HELLS: variants seen among roughly 807,000 people sequenced by gnomAD.
HELLS encodes helicase, lymphoid specific.
Under a neutral mutation model 120.0 loss-of-function variants are expected in HELLS, and 32 were observed. That is an observed-to-expected ratio of 0.27 (90% CI 0.20 to 0.36). The LOEUF (loss-of-function observed/expected upper bound fraction) is 0.36, where lower values mean the gene tolerates loss of function less well. Ranked by LOEUF, HELLS falls within the 10% of genes least tolerant of loss-of-function variation. The pLI is 1.00. For missense variants in HELLS, 650 were observed against 993.4 expected, an observed-to-expected ratio of 0.65 and a Z score of 4.65; for synonymous variants, 341 against 323.4, an observed-to-expected ratio of 1.05 and a Z score of -0.58.
At chr10:94,587,950 A>G (rs1197135118) in intron 12 of HELLS, among the ~76,000 whole-genome samples, 1 of 152,182 alleles carries the variant, frequency 6.6e-6, no homozygotes, top group Non-Finnish European at 1.5e-5. Context: ...CTTCAACCCT[A>G]AGAAATACAA....
At position 94,601,711 on chromosome 10, in the gene HELLS, C is replaced by T; in HGVS notation, c.*89C>T. ...TTTGAAATACTGATTGTCCACTTCA[C>T]CTTTTTTATTATATCAGTTGACATG... On this transcript the variant is annotated 3_prime_UTR_variant, in exon 22 of 22. Transcript: ENST00000348459. 1.5e-6 allele frequency: 1 copy of T among 654,332 alleles called. No individual in the cohort carries two copies. The highest frequency in any genetic ancestry group is 2.7e-6 in the Non-Finnish European group (1 of 376,644). The allele number at this position is 654,332 out of a possible 1,614,324, so 40.5% of individuals were successfully genotyped here. A position where few individuals can be genotyped will look rare whatever the true frequency, so the allele number is the denominator to read the frequency against.
intron 7 of HELLS, among the ~76,000 whole-genome samples, chr10:94,573,507 C>G (rs1844281896): frequency 6.6e-6 from 1 of 151,318 alleles, no homozygotes; most frequent in African/African-American, 2.4e-5. Flanking sequence ...CTTCTGTCAC[C>G]CAGGCTGGAG....
At chr10:94,608,265 G>A (rs960235754) in intron 9 of HELLS, among the ~76,000 whole-genome samples, 4 of 152,178 alleles carry the variant, frequency 2.6e-5, no homozygotes, top group Non-Finnish European at 4.4e-5. Flanking sequence ...GTATGAACTT[G>A]TTAATAATTT....
intron 4 of HELLS, among the ~76,000 whole-genome samples, chr10:94,559,293 G>A (rs944340213): frequency 5.3e-5 from 8 of 151,982 alleles, no homozygotes; most frequent in African/African-American, 1.9e-4. Flanking sequence ...TGTTAAAATG[G>A]CCCCCAACTA....
At chr10:94,567,905 G>A (rs928870528) in intron 6 of HELLS, among the ~76,000 whole-genome samples, 11 of 130,632 alleles carry the variant, frequency 8.4e-5, no homozygotes, top group Non-Finnish European at 1.4e-4. Flanking sequence ...TGAAACCCTG[G>A]TTTTTTTTTT....
intron 6 of HELLS, chr10:94,569,247 A>G (rs1413130006): frequency 6.6e-6 from 1 of 150,608 alleles, no homozygotes; most frequent in Non-Finnish European, 1.5e-5. Flanking sequence ...CAGTGGCATG[A>G]TCTCGGCTCA....
At chr10:94,548,145 T>G (rs1472385101) in intron 2 of HELLS, among the ~76,000 whole-genome samples, 1 of 152,242 alleles carries the variant, frequency 6.6e-6, no homozygotes, top group Non-Finnish European at 1.5e-5. Context: ...CTTGCTGTTT[T>G]GTTTTTGTAG....
chr10:94,549,318 A>G (rs559233358), intron 2 of HELLS, among the ~76,000 whole-genome samples: 2 of 152,324 alleles, frequency 1.3e-5, no homozygotes, highest in South Asian at 4.1e-4. Flanking sequence ...TTAACAGAGG[A>G]AGAGCTAGCT....
At chr10:94,591,729 G>C (rs1449973545) in intron 15 of HELLS, among the ~76,000 whole-genome samples, 1 of 152,326 alleles carries the variant, frequency 6.6e-6, no homozygotes, top group East Asian at 1.9e-4. Context: ...ATTAGAGTAA[G>C]AAGGAAGACA....
intron 7 of HELLS, 50 bp from the exon 8 acceptor site, chr10:94,573,910 T>G (rs1844307736): frequency 9.8e-7 from 1 of 1,015,348 alleles, no homozygotes; most frequent in African/African-American, 1.6e-5. Context: ...AATGGTGGCA[T>G]ACAGCAGCAT....
At chr10:94,570,992 T>G (rs1844122113) in intron 6 of HELLS, 1 of 173,424 alleles carries the variant, frequency 5.8e-6, no homozygotes, top group Non-Finnish European at 1.2e-5. Flanking sequence ...TTGTTCCAAT[T>G]TATCCCATTT....
chr10:94,589,677 C>A (rs558513210), intron 13 of HELLS, among the ~76,000 whole-genome samples: 3 of 144,168 alleles, frequency 2.1e-5, no homozygotes, highest in Non-Finnish European at 4.5e-5. Context: ...CTTCTCCCCC[C>A]GACTTTTTTT....
intron 12 of HELLS, among the ~76,000 whole-genome samples, chr10:94,583,352 C>T (rs1327937329): frequency 6.6e-6 from 1 of 152,126 alleles, no homozygotes. Context: ...GGAATGCTTG[C>T]CAATAATACT....
intron 2 of HELLS, among the ~76,000 whole-genome samples, chr10:94,548,350 G>T (rs1315468618): frequency 2.6e-5 from 4 of 152,114 alleles, no homozygotes; most frequent in Admixed American, 6.6e-5. Flanking sequence ...AGTCTAAGAG[G>T]GATGTGATAA....
chr10:94,575,929 C>T (rs1844454279), intron 9 of HELLS, among the ~76,000 whole-genome samples: 1 of 151,966 alleles, frequency 6.6e-6, no homozygotes, highest in Non-Finnish European at 1.5e-5. Context: ...TCCCAGGTAG[C>T]TGGGATTACG....
At chr10:94,586,553 T>C (rs545178880) in intron 12 of HELLS, among the ~76,000 whole-genome samples, 4 of 152,358 alleles carry the variant, frequency 2.6e-5, no homozygotes, top group Non-Finnish European at 5.9e-5. Flanking sequence ...TGTCTATGAT[T>C]AGCTCTATAC....
chr10:94,606,530 T>A (rs1846131396), downstream of HELLS, among the ~76,000 whole-genome samples: 1 of 152,024 alleles, frequency 6.6e-6, no homozygotes, highest in Non-Finnish European at 1.5e-5. Flanking sequence ...AAAAAAAATT[T>A]CTTGAGACAG....
intron 2 of HELLS, among the ~76,000 whole-genome samples, chr10:94,549,089 G>A (rs991536225): frequency 2.6e-5 from 4 of 152,156 alleles, no homozygotes; most frequent in African/African-American, 7.2e-5. Context: ...GTCTTGTTAT[G>A]TACAGATAAG....
chr10:94,610,405 A>G (rs1247420621), exon 10 of HELLS: 1 of 151,932 alleles, frequency 6.6e-6, no homozygotes, highest in Non-Finnish European at 1.5e-5. Flanking sequence ...ACTCCAGTCT[A>G]GCAACAGAGC....
Sources: allele counts gnomAD v4.1 joint callset (sites outside exome capture counted in the v4.1 genomes callset), GRCh38; gene constraint gnomAD v4.1.1; transcripts MANE v1.5; gene names NCBI Gene and HGNC (gene_info 2026-07-23, HGNC 2026-07-21).